The following PSTPIP1 variants were observed in gnomAD, a reference collection of about 807,000 sequenced individuals.
PSTPIP1 encodes proline-serine-threonine phosphatase-interacting protein 1.
Under a neutral mutation model 69.6 loss-of-function variants are expected in PSTPIP1, and 66 were observed. The observed-to-expected ratio is 0.95, with a 90% CI of 0.78 to 1.16. PSTPIP1 has a LOEUF of 1.16. PSTPIP1 is among the 50% of genes most tolerant of loss of function. PSTPIP1 has a pLI of 0.00. For synonymous variants in PSTPIP1, 266 were observed against 222.7 expected, an observed-to-expected ratio of 1.19 and a Z score of -1.73; for missense variants, 603 against 557.4, an observed-to-expected ratio of 1.08 and a Z score of -0.82.
intron 11 of PSTPIP1, 110 bp from the exon 12 acceptor site, chr15:77,032,752 C>A: frequency 1.1e-6 from 1 of 914,008 alleles, no homozygotes; most frequent in Non-Finnish European, 1.7e-6. Flanking sequence ...CCTCCTCAGG[C>A]ACCAGGATGG....
At chr15:77,000,468 T>C (rs1434660610) in intron 1 of PSTPIP1, among the ~76,000 whole-genome samples, 4 of 111,974 alleles carry the variant, frequency 3.6e-5, no homozygotes, top group South Asian at 6.8e-4. Context: ...GAGATATATA[T>C]ATATATATAC....
At position 77,025,232 on chromosome 15, in the gene PSTPIP1, T is replaced by C. The variant is rs2076251645; in HGVS notation, c.213-52T>C. ...CCCCGCCGGGAGGCAGCCTGGACTG[T>C]AGGTTCCCGCTGTGCTCTCCTCCTC... On this transcript the variant is annotated intron_variant, in intron 3 of 14. Coordinates refer to ENST00000558012, the MANE Select transcript of PSTPIP1 (RefSeq NM_003978.5). 7 of 1,555,980 alleles carry C rather than the reference T, an allele frequency of 4.5e-6. No homozygotes were observed. The East Asian group carries it at 1.3e-4, about 30-fold the overall frequency.
chr15:77,011,301 C>T (rs2075929984), intron 1 of PSTPIP1, among the ~76,000 whole-genome samples: 1 of 152,208 alleles, frequency 6.6e-6, no homozygotes, highest in Non-Finnish European at 1.5e-5. Context: ...AGTGGGACCC[C>T]TGGGAGTCCC....
rs56103874 is a variant in PSTPIP1 at position 77,028,829 on chromosome 15, A to G, written c.516+177A>G. 0.23 allele frequency among the ~76,000 whole-genome samples: 35,543 copies of G among 152,230 alleles called. 4,438 individuals are homozygous for G. The highest frequency in any genetic ancestry group is 0.29 in the East Asian group (1,509 of 5,174). ...GGTTTCCTGGAGAGAACCTCAGGCC[A>G]TGGACAGGCAGGTCAGCTGGATCCC... On this transcript the variant is annotated intron_variant, in intron 7 of 14. Coordinates refer to ENST00000558012, the MANE Select transcript of PSTPIP1 (RefSeq NM_003978.5).
At chr15:77,029,490 G>A (rs756411858) in intron 7 of PSTPIP1, 39 bp from the exon 8 acceptor site, 1 of 1,557,466 alleles carries the variant, frequency 6.4e-7, no homozygotes, top group South Asian at 1.2e-5. Context: ...CTGGCTCCTG[G>A]GGCAGGGGCT....
chr15:77,011,363 C>T (rs1596067473), intron 1 of PSTPIP1, among the ~76,000 whole-genome samples: 1 of 152,340 alleles, frequency 6.6e-6, no homozygotes, highest in South Asian at 2.1e-4. Flanking sequence ...GGCCTGTGGG[C>T]CTCCCAGCAC....
intron 1 of PSTPIP1, among the ~76,000 whole-genome samples, chr15:76,998,989 A>G (rs1266633547): frequency 2.0e-5 from 3 of 152,188 alleles, no homozygotes; most frequent in Admixed American, 1.3e-4. Context: ...TGTCAGTGAG[A>G]CAAGGTTGAA....
chr15:77,018,446 T>G lies in PSTPIP1; in HGVS notation c.138-11T>G. 6.4e-7 allele frequency: 1 copy of G among 1,570,044 alleles called. No homozygotes were observed. The highest frequency in any genetic ancestry group is 8.6e-7 in the Non-Finnish European group (1 of 1,157,254). On this transcript the variant is annotated splice_polypyrimidine_tract_variant and intron_variant, in intron 2 of 14. Coordinates refer to ENST00000558012, the MANE Select transcript of PSTPIP1 (RefSeq NM_003978.5). The stretch of plus-strand genomic sequence containing the variant: ...TCACTGATGATCTTTCAAATGCCCT[T>G]TTTTTTGCAGGGCCCAGGCGGAGGA...
At chr15:77,036,767 G>A (rs1488903239) in intron 14 of PSTPIP1, among the ~76,000 whole-genome samples, 1 of 152,126 alleles carries the variant, frequency 6.6e-6, no homozygotes, top group Non-Finnish European at 1.5e-5. Context: ...GAGCACCCGT[G>A]ACCCCTGACA....
intron 1 of PSTPIP1, chr15:76,999,547 G>A (rs1468275586): frequency 6.6e-6 from 1 of 152,276 alleles, no homozygotes; most frequent in African/African-American, 2.4e-5. Context: ...CCAAAGTGCT[G>A]GGATTACAGG....
At chr15:77,036,999 C>T (rs777117901) in intron 14 of PSTPIP1, 46 bp from the exon 15 acceptor site, 23 of 1,597,712 alleles carry the variant, frequency 1.4e-5, no homozygotes, top group Non-Finnish European at 1.8e-5. Flanking sequence ...GCAGGCCCTT[C>T]CCTGCAGGCC....
rs2076368656 is a variant in PSTPIP1, at chr15:77,029,651, G to A, written c.562+77G>A. On this transcript the variant is annotated intron_variant, in intron 8 of 14. Coordinates refer to ENST00000558012, the MANE Select transcript of PSTPIP1 (RefSeq NM_003978.5). Reference sequence around the variant, plus strand: ...TCCCCACACACACCTCCTCACCCTGGGGACACACACACTCCCCCTGGCTGC... The same window carrying A: ...TCCCCACACACACCTCCTCACCCTGAGGACACACACACTCCCCCTGGCTGC... The A allele has an allele frequency of 4.9e-6, 7 of 1,427,912 alleles. No individual in the cohort carries two copies. The South Asian group carries it at 6.2e-5, about 13-fold the overall frequency. 88.5% of individuals were successfully genotyped at this position (1,427,912 alleles called of 1,614,324 possible).
rs1380825591 is a variant in PSTPIP1 at position 77,035,784 on chromosome 15, G to A, written c.986-18G>A. On this transcript the variant is annotated intron_variant, in intron 13 of 14. Coordinates refer to ENST00000558012, the MANE Select transcript of PSTPIP1 (RefSeq NM_003978.5). ...TGTCCCCAGAAGGGGAGGGGTCTATGTCTCACCCTGCTCTTAGCGTCCACA... is the reference window on the plus strand; with the variant it reads ...TGTCCCCAGAAGGGGAGGGGTCTATATCTCACCCTGCTCTTAGCGTCCACA... 2 of 1,601,276 alleles carry A rather than the reference G, an allele frequency of 1.2e-6. No individual in the cohort carries two copies. Among genetic ancestry groups the A allele is most frequent in the African/African-American group, 2.7e-5 (2 of 74,632 alleles).
intron 3 of PSTPIP1, 32 bp downstream of exon 3, chr15:77,018,563 T>C (rs2152679076): frequency 1.3e-6 from 2 of 1,526,952 alleles, no homozygotes; most frequent in Non-Finnish European, 8.8e-7. Flanking sequence ...GGCTCACTCC[T>C]CTCCTCTGCT....
At chr15:77,030,477 T>G in intron 8 of PSTPIP1, 25 bp from the exon 9 acceptor site, 1 of 1,607,698 alleles carries the variant, frequency 6.2e-7, no homozygotes, top group Non-Finnish European at 8.5e-7. Context: ...GTCAGGGCCC[T>G]CCCTGAGGCT....
intron 8 of PSTPIP1, 35 bp from the exon 9 acceptor site, chr15:77,030,467 G>T: frequency 6.2e-7 from 1 of 1,601,308 alleles, no homozygotes; most frequent in Non-Finnish European, 8.5e-7. Flanking sequence ...AGGAGCTCGT[G>T]TCAGGGCCCT....
At chr15:77,014,962 A>G (rs1395158137) in intron 1 of PSTPIP1, among the ~76,000 whole-genome samples, 2 of 152,154 alleles carry the variant, frequency 1.3e-5, no homozygotes, top group Non-Finnish European at 2.9e-5. Context: ...CTCCCAGAGG[A>G]AGAGACTGTG....
upstream of PSTPIP1, chr15:76,994,905 G>T: frequency 7.8e-7 from 1 of 1,283,014 alleles, no homozygotes; most frequent in Non-Finnish European, 1.0e-6. Context: ...TGGCTGGCGG[G>T]TGACACACCT....
Position 77,001,081 on chromosome 15 carries a change from G to A in PSTPIP1, c.36+5472G>A, listed in dbSNP as rs528664564. 8.5e-4 allele frequency among the ~76,000 whole-genome samples: 130 copies of A among 152,248 alleles called. No individual in the cohort carries two copies. The Middle Eastern group carries it at 0.024, about 28-fold the overall frequency. On this transcript the variant is annotated intron_variant, in intron 1 of 14. Coordinates refer to ENST00000558012, the MANE Select transcript of PSTPIP1 (RefSeq NM_003978.5). ...TCATGGCTGCACAGTTCTCTAGCTT[G>A]TGAATTTGGTGACCATGCTGTGATT...
Sources: gnomAD v4.1 joint callset for allele counts (sites outside exome capture counted in the v4.1 genomes callset) on GRCh38, gnomAD v4.1.1 for gene constraint, MANE v1.5 for transcripts, NCBI Gene and HGNC (gene_info 2026-07-23, HGNC 2026-07-21) for gene names.